MTUS2: variants seen among roughly 807,000 people sequenced by gnomAD.
MTUS2 encodes the protein microtubule associated scaffold protein 2, also known as microtubule-associated tumor suppressor candidate 2.
A neutral mutation model predicts 114.1 loss-of-function variants in MTUS2; 40 were observed. That is an observed-to-expected ratio of 0.35 (90% CI 0.27 to 0.46). MTUS2 has a LOEUF of 0.46. MTUS2 is among the 20% of genes least tolerant of loss of function. The pLI, the probability that MTUS2 is intolerant of heterozygous loss-of-function variation, is 1.00. For missense variants in MTUS2, 1,679 were observed against 1,705.4 expected, an observed-to-expected ratio of 0.98 and a Z score of 0.27; for synonymous variants, 688 against 672.0, an observed-to-expected ratio of 1.02 and a Z score of -0.37.
intron 5 of MTUS2, among the ~76,000 whole-genome samples, chr13:29,227,269 A>AAAG (rs902633154): frequency 7.2e-6 from 1 of 139,602 alleles, no homozygotes; most frequent in African/African-American, 2.6e-5. Context: ...AAAAAAAAAA[A>AAAG]AAAAAAAGAA....
chr13:29,174,651 A>C (rs533886097), intron 5 of MTUS2, among the ~76,000 whole-genome samples: 13 of 152,260 alleles, frequency 8.5e-5, no homozygotes, highest in African/African-American at 3.1e-4. Context: ...TTTATGTTTA[A>C]TTCTGCTTAC....
At chr13:29,344,005 G>A (rs1404686030) in intron 7 of MTUS2, among the ~76,000 whole-genome samples, 1 of 152,022 alleles carries the variant, frequency 6.6e-6, no homozygotes, top group Admixed American at 6.5e-5. Context: ...ATTCCACTGT[G>A]GTTTGAAAGA....
At chr13:29,440,292 T>A (rs768313083) in intron 9 of MTUS2, among the ~76,000 whole-genome samples, 1 of 152,212 alleles carries the variant, frequency 6.6e-6, no homozygotes, top group Non-Finnish European at 1.5e-5. Context: ...AGGTCTTGAC[T>A]GTGCTATTTG....
At chr13:28,966,519 A>C (rs1883589374) in intron 2 of MTUS2, among the ~76,000 whole-genome samples, 1 of 151,938 alleles carries the variant, frequency 6.6e-6, no homozygotes, top group African/African-American at 2.4e-5. Flanking sequence ...GCCCAGGAGT[A>C]CAAGACCAGT....
chr13:29,248,391 A>G (rs895331209), intron 5 of MTUS2, among the ~76,000 whole-genome samples: 1 of 152,230 alleles, frequency 6.6e-6, no homozygotes, highest in South Asian at 2.1e-4. Context: ...TTATTGAAAT[A>G]TAAAAAAAAG....
intron 11 of MTUS2, among the ~76,000 whole-genome samples, chr13:29,491,111 G>A (rs1310376110): frequency 6.6e-6 from 1 of 150,732 alleles, no homozygotes; most frequent in East Asian, 2.0e-4. Context: ...TTTATAGTGT[G>A]TGCAGTGTGT....
chr13:29,179,870 A>G (rs1051285092), intron 5 of MTUS2, among the ~76,000 whole-genome samples: 2 of 152,182 alleles, frequency 1.3e-5, no homozygotes, highest in Non-Finnish European at 2.9e-5. Context: ...TCCTTAGAGG[A>G]GAAATTTTAA....
At chr13:28,879,212 A>G (rs1160182519) in intron 2 of MTUS2, among the ~76,000 whole-genome samples, 3 of 152,050 alleles carry the variant, frequency 2.0e-5, no homozygotes, top group East Asian at 1.9e-4. Flanking sequence ...GACTCTGGAT[A>G]TTAGACCTTT....
chr13:29,055,652 G>T (rs764437024), intron 4 of MTUS2, among the ~76,000 whole-genome samples: 4 of 152,058 alleles, frequency 2.6e-5, no homozygotes, highest in Middle Eastern at 3.4e-3. Flanking sequence ...AAATGATCTC[G>T]TTCTTTTTTA....
At chr13:28,896,841 C>G (rs866365557) in intron 2 of MTUS2, among the ~76,000 whole-genome samples, 2 of 152,202 alleles carry the variant, frequency 1.3e-5, no homozygotes, top group Non-Finnish European at 1.5e-5. Context: ...GGAAGACTGG[C>G]TAGCCTTATG....
At chr13:29,217,291 A>G (rs1193103643) in intron 5 of MTUS2, among the ~76,000 whole-genome samples, 3 of 152,152 alleles carry the variant, frequency 2.0e-5, no homozygotes, top group Non-Finnish European at 4.4e-5. Context: ...TTTGAAATAT[A>G]TTCATATTGA....
intron 2 of MTUS2, among the ~76,000 whole-genome samples, chr13:28,874,602 G>T (rs949526783): frequency 6.6e-6 from 1 of 152,158 alleles, no homozygotes; most frequent in African/African-American, 2.4e-5. Flanking sequence ...GGGGCTGCTT[G>T]AGGGTCCTCA....
At chr13:29,188,501 C>A (rs547268410) in intron 5 of MTUS2, among the ~76,000 whole-genome samples, 33 of 152,264 alleles carry the variant, frequency 2.2e-4, no homozygotes, top group African/African-American at 7.2e-4. Flanking sequence ...TTTGCACATC[C>A]AAATTGTTTT....
intron 11 of MTUS2, among the ~76,000 whole-genome samples, chr13:29,489,309 A>G (rs1050463231): frequency 5.9e-5 from 9 of 152,202 alleles, no homozygotes; most frequent in Admixed American, 4.6e-4. Flanking sequence ...TTAACAATAC[A>G]TTGATAAACT....
At chr13:28,977,833 A>G (rs991712869) in intron 2 of MTUS2, among the ~76,000 whole-genome samples, 1 of 152,240 alleles carries the variant, frequency 6.6e-6, no homozygotes, top group Non-Finnish European at 1.5e-5. Flanking sequence ...TAACTCACCT[A>G]GAAAATCATC....
At chr13:29,039,405 C>G (rs1288724204) in intron 4 of MTUS2, among the ~76,000 whole-genome samples, 1 of 152,232 alleles carries the variant, frequency 6.6e-6, no homozygotes, top group Non-Finnish European at 1.5e-5. Context: ...CGGGCACCCT[C>G]TGGCCATAGG....
intron 2 of MTUS2, among the ~76,000 whole-genome samples, chr13:28,894,314 GAGGGA>G (rs1566203704): frequency 7.7e-5 from 2 of 25,862 alleles, no homozygotes; most frequent in African/African-American, 2.0e-4. Context: ...GGGGGGGGGG[GAGGGA>G]GGGAGGGAGG....
At chr13:28,831,377 ACT>A (rs1397888656) in intron 1 of MTUS2, among the ~76,000 whole-genome samples, 1 of 151,232 alleles carries the variant, frequency 6.6e-6, no homozygotes, top group Non-Finnish European at 1.5e-5. Context: ...AATAAACATG[ACT>A]CAACTATATG....
intron 5 of MTUS2, among the ~76,000 whole-genome samples, chr13:29,150,570 T>C (rs1473225923): frequency 1.3e-5 from 2 of 152,210 alleles, no homozygotes; most frequent in East Asian, 3.8e-4. Flanking sequence ...ATTTTTGTTT[T>C]GGTTGTGATT....
Sources: gnomAD v4.1 joint callset for allele counts (sites outside exome capture counted in the v4.1 genomes callset) on GRCh38, gnomAD v4.1.1 for gene constraint, MANE v1.5 for transcripts, NCBI Gene and HGNC (gene_info 2026-07-23, HGNC 2026-07-21) for gene names.